The following ASB18 variants were observed in gnomAD, a reference collection of about 807,000 sequenced individuals.
The protein encoded by ASB18 is ankyrin repeat and SOCS box protein 18.
In ASB18, 33 loss-of-function variants were observed where a neutral mutation model predicts 33.4. The observed-to-expected ratio is 0.99, with a 90% CI of 0.75 to 1.32. The LOEUF (loss-of-function observed/expected upper bound fraction) is 1.32, where lower values mean the gene tolerates loss of function less well. Among genes scored for constraint, ASB18 ranks in the 40% most tolerant of loss-of-function variants. The pLI is 0.00. For missense variants in ASB18, 694 were observed against 655.5 expected, an observed-to-expected ratio of 1.06 and a Z score of -0.64; for synonymous variants, 295 against 307.6, an observed-to-expected ratio of 0.96 and a Z score of 0.43.
At position 236,264,369 on chromosome 2, in the gene ASB18, C is replaced by T. The variant is rs996634859; in HGVS notation, c.-24G>A. 1 of 1,605,344 alleles carries T rather than the reference C, an allele frequency of 6.2e-7. No individual in the cohort carries two copies. Among genetic ancestry groups the T allele is most frequent in the Non-Finnish European group, 8.5e-7 (1 of 1,172,216 alleles). On this transcript the variant is annotated 5_prime_UTR_variant, in exon 1 of 6. Transcript: ENST00000409749. This position sits in a 1 kb window ranked among gnomAD's most constrained non-coding sequence, Gnocchi z 5.1. ...ATTGTTACGTCGTTTCTGCAGTGAC[C>T]AGCCCTTCTTTTCTTCCTCTAAAGC... is the stretch of plus-strand genomic sequence containing the variant.
At position 236,263,698 on chromosome 2, in the gene ASB18, T is replaced by C. The variant is rs2060730758; in HGVS notation, c.205+443A>G. Among the ~76,000 whole-genome samples the C allele has an allele frequency of 6.7e-6, 1 of 149,570 alleles. No individual in the cohort carries two copies. The highest frequency in any genetic ancestry group is 1.5e-5 in the Non-Finnish European group (1 of 68,022). On this transcript the variant is annotated intron_variant, in intron 1 of 5. Coordinates refer to ENST00000409749, the MANE Select transcript of ASB18 (RefSeq NM_212556.4). This position sits in a 1 kb window ranked among gnomAD's most constrained non-coding sequence, Gnocchi z 4.0. Reference sequence around the variant, plus strand: ...TTATAGAAGCAAAAAGGTAACCAAATACTATCTTTTTGTAGGCATTTGGTT... The same window carrying C: ...TTATAGAAGCAAAAAGGTAACCAAACACTATCTTTTTGTAGGCATTTGGTT...
rs1188897496 is a variant in ASB18 at position 236,204,600 on chromosome 2, T to C, written c.1102-8215A>G. Among the ~76,000 whole-genome samples the C allele has an allele frequency of 2.0e-5, 3 of 152,208 alleles. No individual in the cohort carries two copies. Among genetic ancestry groups the C allele is most frequent in the Admixed American group, 1.3e-4 (2 of 15,278 alleles). Reference sequence around the variant, plus strand: ...ACTTTGGGCTTCGATATCCAGCTGCTTACATTGTAGCTACACCTGGCTGTA... The same window carrying C: ...ACTTTGGGCTTCGATATCCAGCTGCCTACATTGTAGCTACACCTGGCTGTA... On this transcript the variant is annotated intron_variant, in intron 4 of 5. Coordinates refer to ENST00000409749, the MANE Select transcript of ASB18 (RefSeq NM_212556.4). This position sits in a 1 kb window ranked among gnomAD's most constrained non-coding sequence, Gnocchi z 5.1.
chr2:236,240,826 G>T (rs985657155), intron 2 of ASB18, among the ~76,000 whole-genome samples: 1 of 152,188 alleles, frequency 6.6e-6, no homozygotes, highest in Non-Finnish European at 1.5e-5. Context: ...GAGTCCTGGG[G>T]TCCTGCCTCT....
At chr2:236,212,739 C>T (rs1054174237) in intron 4 of ASB18, among the ~76,000 whole-genome samples, 1 of 152,192 alleles carries the variant, frequency 6.6e-6, no homozygotes, top group African/African-American at 2.4e-5. Flanking sequence ...ATCCTCCTGC[C>T]TCAGCCTCCT....
chr2:236,234,913 C>T lies in ASB18; in HGVS notation c.596+2776G>A, dbSNP rs1443820715. 6.6e-6 allele frequency among the ~76,000 whole-genome samples: 1 copy of T among 152,028 alleles called. No homozygotes were observed. The highest frequency in any genetic ancestry group is 2.4e-5 in the African/African-American group (1 of 41,394). On this transcript the variant is annotated intron_variant, in intron 3 of 5. Transcript: ENST00000409749. This position sits in a 1 kb window ranked among gnomAD's most constrained non-coding sequence, Gnocchi z 4.1. ...TTTTTTTTAGATATCATAACCCAAC[C>T]TAATCCTTAAAAGAGAAAAAATGGA...
At position 236,195,025 on chromosome 2, in the gene ASB18, G is replaced by A. The variant is rs761578677; in HGVS notation, c.1248C>T (p.Ala416=). The A allele has an allele frequency of 6.2e-7, 1 of 1,613,220 alleles. No homozygotes were observed. The part of the protein sequence containing the change: ...MHKPFYQSLF[A]LALTPRCLQH... The stretch of plus-strand genomic sequence containing the variant: ...GCAGGCAGCGTGGGGTGAGGGCCAA[G>A]GCAAAGAGGGACTGGTAGAACGGCT... The change falls in exon 6 of 6, where the codon GCC becomes GCT. Residue 416 remains alanine, a synonymous_variant. Coordinates refer to ENST00000409749, the MANE Select transcript of ASB18 (RefSeq NM_212556.4). This position sits in a 1 kb window ranked among gnomAD's most constrained non-coding sequence, Gnocchi z 5.5.
Position 236,204,240 on chromosome 2 carries a change from C to T in ASB18, c.1102-7855G>A, listed in dbSNP as rs1292843870. 2.0e-5 allele frequency among the ~76,000 whole-genome samples: 3 copies of T among 152,202 alleles called. No individual in the cohort carries two copies. Among genetic ancestry groups the T allele is most frequent in the Non-Finnish European group, 2.9e-5 (2 of 68,032 alleles). ...GCTGCTCTTGGCCCAGGCTCTGCCT[C>T]GCCAGTGGTCCATGCTCTGCCTCAC... is the stretch of plus-strand genomic sequence containing the variant. On this transcript the variant is annotated intron_variant, in intron 4 of 5. Transcript: ENST00000409749. This position sits in a 1 kb window ranked among gnomAD's most constrained non-coding sequence, Gnocchi z 5.1.
At chr2:236,212,782 G>A (rs1321663341) in intron 4 of ASB18, among the ~76,000 whole-genome samples, 1 of 152,076 alleles carries the variant, frequency 6.6e-6, no homozygotes, top group African/African-American at 2.4e-5. Flanking sequence ...ATGCCACCAG[G>A]CCCTGCTAAT....
In ASB18 at chr2:236,241,505, C is replaced by A; in HGVS notation, c.206-103G>T. The A allele has an allele frequency of 7.2e-7, 1 of 1,382,744 alleles. No homozygotes were observed. The highest frequency in any genetic ancestry group is 2.4e-5 in the East Asian group (1 of 41,592). The allele number at this position is 1,382,744 out of a possible 1,614,324, so 85.7% of individuals were successfully genotyped here. A position where few individuals can be genotyped will look rare whatever the true frequency, so the allele number is the denominator to read the frequency against. On this transcript the variant is annotated intron_variant, in intron 1 of 5. Coordinates refer to ENST00000409749, the MANE Select transcript of ASB18 (RefSeq NM_212556.4). The surrounding 1 kb of genome is among the most constrained non-coding windows in gnomAD (Gnocchi z 4.2). Reference sequence around the variant, plus strand: ...ATTTGAAGTTTTCCTCTCACTGGCCCTGGCTGTCTCTCCATTGAGATGCCG... The same window carrying A: ...ATTTGAAGTTTTCCTCTCACTGGCCATGGCTGTCTCTCCATTGAGATGCCG...
chr2:236,252,942 T>G lies in ASB18; in HGVS notation c.205+11199A>C, dbSNP rs2060674638. Among the ~76,000 whole-genome samples the G allele has an allele frequency of 6.6e-6, 1 of 152,202 alleles. No individual in the cohort carries two copies. The highest frequency in any genetic ancestry group is 1.5e-5 in the Non-Finnish European group (1 of 68,028). On this transcript the variant is annotated intron_variant, in intron 1 of 5. Coordinates refer to ENST00000409749, the MANE Select transcript of ASB18 (RefSeq NM_212556.4). This position sits in a 1 kb window ranked among gnomAD's most constrained non-coding sequence, Gnocchi z 7.9. ...GGCCAGATCCAGTGATGGATCCAGG[T>G]GCAGCTAGAGCTGTCCTGCCATTTT...
chr2:236,258,875 T>C (rs934810602), intron 1 of ASB18, among the ~76,000 whole-genome samples: 14 of 152,234 alleles, frequency 9.2e-5, no homozygotes, highest in Non-Finnish European at 1.5e-5. Flanking sequence ...GCCTCTATTT[T>C]TCTATTTCAA....
rs570630449 is a variant in ASB18, at chr2:236,261,894, C to T, written c.205+2247G>A. 3.3e-5 allele frequency among the ~76,000 whole-genome samples: 5 copies of T among 152,214 alleles called. No homozygotes were observed. The East Asian group carries it at 5.8e-4, about 18-fold the overall frequency. On this transcript the variant is annotated intron_variant, in intron 1 of 5. Coordinates refer to ENST00000409749, the MANE Select transcript of ASB18 (RefSeq NM_212556.4). ...AGCCCCTTATAAAACCATCAGATCT[C>T]GTGAGACTTATTCACTACCACAATA...
At chr2:236,210,002 G>A (rs571543180) in intron 4 of ASB18, among the ~76,000 whole-genome samples, 1 of 152,324 alleles carries the variant, frequency 6.6e-6, no homozygotes, top group African/African-American at 2.4e-5. Context: ...GGGAGCCTTG[G>A]ACCCTGCCCC....
intron 3 of ASB18, among the ~76,000 whole-genome samples, chr2:236,224,821 CATCTCATTCTTCTCTGAG>C (rs549370114): frequency 8.2e-4 from 125 of 152,320 alleles, no homozygotes; most frequent in Non-Finnish European, 1.6e-3. Flanking sequence ...CTCTCTCTGA[CATCTCATTCTTCTCTGAG>C]ATCTCATTCT....
In ASB18 at chr2:236,257,954, C is replaced by T. The variant is rs1336024929; in HGVS notation, c.205+6187G>A. Among the ~76,000 whole-genome samples, 1 of 152,172 alleles carries T rather than the reference C, an allele frequency of 6.6e-6. No homozygotes were observed. Among genetic ancestry groups the T allele is most frequent in the African/African-American group, 2.4e-5 (1 of 41,446 alleles). ...CTCTCACCTGTTCTCCAGGGAACAG[C>T]AGGGACTTGCGGCATTGCCAATTCC... On this transcript the variant is annotated intron_variant, in intron 1 of 5. Transcript: ENST00000409749. This position sits in a 1 kb window ranked among gnomAD's most constrained non-coding sequence, Gnocchi z 5.5.
rs2060556335 is a variant in ASB18 at position 236,229,817 on chromosome 2, G to A, written c.596+7872C>T. Reference sequence around the variant, plus strand: ...GATCATGCCACTGCACTCCAGCCTGGGCAACAGAGTGAGACACCATTTAAT... The same window carrying A: ...GATCATGCCACTGCACTCCAGCCTGAGCAACAGAGTGAGACACCATTTAAT... On this transcript the variant is annotated intron_variant, in intron 3 of 5. Transcript: ENST00000409749. This position sits in a 1 kb window ranked among gnomAD's most constrained non-coding sequence, Gnocchi z 5.2. Among the ~76,000 whole-genome samples the A allele has an allele frequency of 6.6e-6, 1 of 151,966 alleles. No homozygotes were observed. Among genetic ancestry groups the A allele is most frequent in the Non-Finnish European group, 1.5e-5 (1 of 68,000 alleles).
rs2060420722 is a variant in ASB18 at position 236,204,046 on chromosome 2, G to T, written c.1102-7661C>A. The stretch of plus-strand genomic sequence containing the variant: ...TCAGGTGGTGGCAGTCAGGAGGGTA[G>T]GAGATTTTGAGATATATTTAGGGGG... On this transcript the variant is annotated intron_variant, in intron 4 of 5. Transcript: ENST00000409749. The surrounding 1 kb of genome is among the most constrained non-coding windows in gnomAD (Gnocchi z 5.1). Among the ~76,000 whole-genome samples, 1 of 152,186 alleles carries T rather than the reference G, an allele frequency of 6.6e-6. No homozygotes were observed. The highest frequency in any genetic ancestry group is 2.4e-5 in the African/African-American group (1 of 41,446).
rs1454598717 is a variant in ASB18 at position 236,196,456 on chromosome 2, G to C, written c.1102-71C>G. On this transcript the variant is annotated intron_variant, in intron 4 of 5. Coordinates refer to ENST00000409749, the MANE Select transcript of ASB18 (RefSeq NM_212556.4). The surrounding 1 kb of genome is among the most constrained non-coding windows in gnomAD (Gnocchi z 5.6). ...GGGTCTCAGTGGGGAAAGGGTGGGG[G>C]GTGTGGGGGGATGCTCTCCCTAGCT... is the stretch of plus-strand genomic sequence containing the variant. The C allele has an allele frequency of 2.4e-6, 2 of 821,728 alleles. No individual in the cohort carries two copies. The highest frequency in any genetic ancestry group is 2.7e-5 in the East Asian group (1 of 37,528). The allele number at this position is 821,728 out of a possible 1,614,324, so 50.9% of individuals were successfully genotyped here.
rs182121294 is a variant in ASB18 at position 236,245,413 on chromosome 2, C to T, written c.206-4011G>A. Among the ~76,000 whole-genome samples the T allele has an allele frequency of 6.6e-6, 1 of 152,346 alleles. No homozygotes were observed. The highest frequency in any genetic ancestry group is 1.9e-4 in the East Asian group (1 of 5,184). ...TCCTGACATAGCCAGTGCCCAAGCA[C>T]CTTCCCGTGAGTAAAAGGGCTTCCT... On this transcript the variant is annotated intron_variant, in intron 1 of 5. Transcript: ENST00000409749. The surrounding 1 kb of genome is among the most constrained non-coding windows in gnomAD (Gnocchi z 4.7).
Sources: gnomAD v4.1 joint callset for allele counts (sites outside exome capture counted in the v4.1 genomes callset) on GRCh38, gnomAD v4.1.1 for gene constraint, Gnocchi (gnomAD v3.1) non-coding constraint, MANE v1.5 for transcripts, NCBI Gene and HGNC (gene_info 2026-07-23, HGNC 2026-07-21) for gene names.